NUMA1: variants seen among roughly 807,000 people sequenced by gnomAD.
NUMA1 encodes SP-H antigen.
Under a neutral mutation model 237.1 loss-of-function variants are expected in NUMA1, and 62 were observed. The observed-to-expected ratio is 0.26, with a 90% confidence interval of 0.21 to 0.32. The LOEUF is 0.32. NUMA1 is among the 10% of genes least tolerant of loss of function. The pLI is 1.00. For synonymous variants in NUMA1, 1,028 were observed against 1,066.1 expected (o/e 0.96, Z 0.70); for missense variants, 2,533 against 2,666.5 (o/e 0.95, Z 1.10).
chr11:72,007,985 C>T (rs889170868), intron 20 of NUMA1: 3 of 399,630 alleles, frequency 7.5e-6, no homozygotes, highest in Non-Finnish European at 1.5e-5. Context: ...GAACTCAGGC[C>T]AGGCTGCCCA....
intron 2 of NUMA1, among the ~76,000 whole-genome samples, chr11:72,044,601 T>G (rs560346091): frequency 1.9e-4 from 6 of 31,030 alleles, no homozygotes; most frequent in African/African-American, 5.1e-4. Context: ...AGGGGTTACT[T>G]TGGGGGGGGG....
intron 22 of NUMA1, chr11:72,005,607 A>C: frequency 3.7e-6 from 2 of 541,642 alleles, no homozygotes; most frequent in Non-Finnish European, 6.4e-6. Context: ...GACTGCTACT[A>C]CATCTTACTC....
chr11:72,009,113 G>A lies in NUMA1; in HGVS notation c.4912C>T (p.Leu1638=), dbSNP rs143183094. The change falls in exon 19 of 27, where the codon CTG becomes TTG. Residue 1638 remains leucine, a synonymous_variant. Transcript: ENST00000393695. ...TTGTTTTCCTTCTGCAGCTGCTCCA[G>A]GCTCCGCAGCTGCTCCTGCAGCTCT... ...NQELQEQLRS[L]EQLQKENKEL... is the part of the protein sequence containing the mutation. The A allele has an allele frequency of 4.0e-5, 64 of 1,612,452 alleles. No homozygotes were observed. The African/African-American group carries it at 7.9e-4, about 20-fold the overall frequency.
intron 2 of NUMA1, among the ~76,000 whole-genome samples, chr11:72,037,096 A>G (rs1941110344): frequency 1.3e-5 from 2 of 152,242 alleles, no homozygotes; most frequent in African/African-American, 4.8e-5. Context: ...CTCACTGTCT[A>G]GTACGGGAAA....
At position 72,007,421 on chromosome 11, in the gene NUMA1, G is replaced by A; in HGVS notation, c.5231C>T (p.Thr1744Ile). The change falls in exon 21 of 27, where the codon ACC becomes ATC. Residue 1744 changes from threonine to isoleucine, a missense_variant. Physicochemically the swap from Thr to Ile is moderately conservative, Grantham distance 89. Transcript: ENST00000393695. The stretch of plus-strand genomic sequence containing the variant: ...AGGGACGCTGGTGCCGTCTGGCTGG[G>A]TACGAGGCAGCTTGCTATGGAAAGG... ...PLSITSKLPR[T>I]QPDGTSVPGE... 6.2e-7 allele frequency: 1 copy of A among 1,613,562 alleles called. No homozygotes were observed. The highest frequency in any genetic ancestry group is 8.5e-7 in the Non-Finnish European group (1 of 1,179,922).
rs1941389774 is a variant in NUMA1 at position 72,039,212 on chromosome 11, TAAACCA to T, written c.-32-3243_-32-3238del. ...TTTCCTACCAGGGCTGAGGCTAATG[TAAACCA>T]CCTGCTCAGACACAAGAAGCAGGAC... On this transcript the variant is annotated intron_variant, in intron 2 of 26. Coordinates refer to ENST00000393695, the MANE Select transcript of NUMA1 (RefSeq NM_006185.4). Among the ~76,000 whole-genome samples the T allele has an allele frequency of 2.6e-5, 4 of 152,328 alleles. No homozygotes were observed. The South Asian group carries it at 8.3e-4, about 32-fold the overall frequency.
intron 2 of NUMA1, among the ~76,000 whole-genome samples, chr11:72,054,872 T>C (rs1421287480): frequency 6.6e-6 from 1 of 152,182 alleles, no homozygotes; most frequent in Non-Finnish European, 1.5e-5. Context: ...AAGATCATGC[T>C]TGCTTGTAAG....
At chr11:72,004,603 C>T in intron 24 of NUMA1, 37 bp downstream of exon 24, 1 of 1,595,780 alleles carries the variant, frequency 6.3e-7, no homozygotes, top group Non-Finnish European at 8.5e-7. Context: ...GACCTGAGCA[C>T]AGTGCTGGAG....
chr11:72,057,604 C>G (rs996199853), intron 2 of NUMA1, among the ~76,000 whole-genome samples: 3 of 150,990 alleles, frequency 2.0e-5, no homozygotes, highest in African/African-American at 7.3e-5. Context: ...ATCAGTTGGG[C>G]ATGGTGGCAG....
intron 2 of NUMA1, among the ~76,000 whole-genome samples, chr11:72,043,308 CA>C (rs758721745): frequency 1.4e-5 from 2 of 145,072 alleles, no homozygotes; most frequent in South Asian, 4.4e-4. Context: ...CCAAAAAATA[CA>C]AAAAACCACA....
intron 2 of NUMA1, among the ~76,000 whole-genome samples, chr11:72,069,512 T>G (rs979498069): frequency 6.6e-6 from 1 of 152,174 alleles, no homozygotes; most frequent in African/African-American, 2.4e-5. Flanking sequence ...TGAAACCCAG[T>G]AGCAGAGAAA....
At position 72,015,423 on chromosome 11, in the gene NUMA1, C is replaced by T. The variant is rs780971843; in HGVS notation, c.2080G>A (p.Ala694Thr). The change falls in exon 15 of 27, where the codon GCC (alanine) becomes ACC (threonine). Residue 694 changes from alanine to threonine, a missense_variant. By Grantham distance (58) the Ala-to-Thr change is moderately conservative. Transcript: ENST00000393695. This position sits in a 1 kb window ranked among gnomAD's most constrained non-coding sequence, Gnocchi z 4.0. ...TCCTGGAGCTGGTCCTTCTCCTGGG[C>T]CACCCTTTCTTTCTCAGTTGCTTTT... ...QQKATEKERV[A>T]QEKDQLQEQL... The T allele has an allele frequency of 6.2e-7, 1 of 1,611,766 alleles. No homozygotes were observed. The highest frequency in any genetic ancestry group is 8.5e-7 in the Non-Finnish European group (1 of 1,180,018).
intron 20 of NUMA1, 125 bp downstream of exon 20, chr11:72,008,563 C>A (rs752180300): frequency 9.0e-7 from 1 of 1,105,010 alleles, no homozygotes; most frequent in Non-Finnish European, 1.4e-6. Flanking sequence ...TGGTATAATA[C>A]CCGTTTTTCG....
In NUMA1 at chr11:72,064,874, G is replaced by A. The variant is rs117628669; in HGVS notation, c.-33+4968C>T. ...AAAAAGGCAGGATAAAACTATTATG[G>A]TATGGCCCCATTTTTGAAACTATAT... is the stretch of plus-strand genomic sequence containing the variant. On this transcript the variant is annotated intron_variant, in intron 2 of 26. Transcript: ENST00000393695. 7.7e-3 allele frequency among the ~76,000 whole-genome samples: 1,166 copies of A among 152,200 alleles called. 7 individuals carry two copies. Among genetic ancestry groups the A allele is most frequent in the Non-Finnish European group, 0.013 (866 of 68,006 alleles).
chr11:72,043,133 TATGAGGG>T (rs1346652919), intron 2 of NUMA1, among the ~76,000 whole-genome samples: 2 of 151,448 alleles, frequency 1.3e-5, no homozygotes, highest in African/African-American at 4.9e-5. Context: ...GGGAGGAAAG[TATGAGGG>T]ATGATATGCA....
In NUMA1 at chr11:72,008,980, C is replaced by A; in HGVS notation, c.5045G>T (p.Ser1682Ile). The A allele has an allele frequency of 6.2e-7, 1 of 1,613,994 alleles. No individual in the cohort carries two copies. The highest frequency in any genetic ancestry group is 8.5e-7 in the Non-Finnish European group (1 of 1,180,002). Residue 1682 changes from serine to isoleucine, a missense_variant, in exon 19 of 27, where the codon AGC (serine) becomes ATC (isoleucine). This residue lies in a region of NUMA1 where 795 missense variants were observed against 750.8 expected (regional missense o/e 1.06). Transcript: ENST00000393695. ...TCRHLTAQVR[S>I]LEAQVAHADQ... ...CCAAATTCTTACCTGTGCCTCCAGGCTGCGCACCTGGGCAGTAAGGTGGCG... is the reference window on the plus strand; with the variant it reads ...CCAAATTCTTACCTGTGCCTCCAGGATGCGCACCTGGGCAGTAAGGTGGCG...
chr11:72,004,424 T>G (rs1458300855), intron 24 of NUMA1, 83 bp from the exon 25 acceptor site: 6 of 1,332,204 alleles, frequency 4.5e-6, no homozygotes, highest in Non-Finnish European at 6.4e-6. Context: ...CAGAGCTGAG[T>G]GGACCTTGTA....
chr11:72,027,196 T>A (rs914156349), intron 4 of NUMA1, among the ~76,000 whole-genome samples: 1 of 152,218 alleles, frequency 6.6e-6, no homozygotes, highest in African/African-American at 2.4e-5. Context: ...CTGCCCCATA[T>A]TGTGTGTTAC....
At chr11:72,048,475 G>A (rs1422164497) in intron 2 of NUMA1, among the ~76,000 whole-genome samples, 13 of 152,036 alleles carry the variant, frequency 8.6e-5, no homozygotes, top group African/African-American at 2.4e-5. Flanking sequence ...AGGTTCAAGC[G>A]ATTCTCCTGC....
Sources: gnomAD v4.1 joint callset for allele counts (sites outside exome capture counted in the v4.1 genomes callset) on GRCh38, gnomAD v4.1.1 for gene constraint, gnomAD v4.1.1 regional missense constraint, Gnocchi (gnomAD v3.1) non-coding constraint, MANE v1.5 for transcripts, NCBI Gene and HGNC (gene_info 2026-07-23, HGNC 2026-07-21) for gene names.